Variants in FSTL4 observed in about 807,000 individuals in gnomAD.
FSTL4 encodes the protein follistatin like 4, also known as follistatin-related protein 4.
Under a neutral mutation model 78.2 loss-of-function variants are expected in FSTL4, and 28 were observed. The ratio of observed to expected loss-of-function variants is 0.36; its 90% CI spans 0.27 to 0.49. The LOEUF (loss-of-function observed/expected upper bound fraction) is 0.49. Among genes scored for constraint, FSTL4 ranks in the 20% least tolerant of loss-of-function variants. FSTL4 has a pLI of 0.98. For missense variants in FSTL4, 922 were observed against 1,084.9 expected (o/e 0.85, Z 2.11); for synonymous variants, 422 against 440.5 (o/e 0.96, Z 0.53).
At chr5:133,660,824 A>G in the FSTL4 span, among the ~76,000 whole-genome samples, 1 of 152,226 alleles carries the variant, frequency 6.6e-6, no homozygotes, top group Admixed American at 6.5e-5. Flanking sequence ...TTGAAGGAAA[A>G]AAAGCAATTA....
chr5:133,439,733 C>T (rs1433919147), intron 3 of FSTL4, among the ~76,000 whole-genome samples: 1 of 152,196 alleles, frequency 6.6e-6, no homozygotes, highest in Non-Finnish European at 1.5e-5. Flanking sequence ...CCAAAGATGG[C>T]TGTGCCTGAC....
At chr5:133,404,627 TAAG>T (rs1340196728) in intron 3 of FSTL4, among the ~76,000 whole-genome samples, 23 of 152,278 alleles carry the variant, frequency 1.5e-4, no homozygotes, top group Middle Eastern at 3.4e-3. Flanking sequence ...GGATTTTCAA[TAAG>T]AATGTCACAG....
At chr5:133,822,666 G>A in the FSTL4 span, among the ~76,000 whole-genome samples, 2 of 152,168 alleles carry the variant, frequency 1.3e-5, no homozygotes, top group Admixed American at 6.5e-5. Flanking sequence ...CACACGCACC[G>A]ATGCTCCTGG....
At chr5:133,435,528 AT>A (rs1250862638) in intron 3 of FSTL4, among the ~76,000 whole-genome samples, 11 of 152,222 alleles carry the variant, frequency 7.2e-5, no homozygotes, top group African/African-American at 2.7e-4. Flanking sequence ...TCCAACTGCA[AT>A]ATGAAGTCAT....
the FSTL4 span, among the ~76,000 whole-genome samples, chr5:133,782,842 A>T: frequency 6.6e-6 from 1 of 152,214 alleles, no homozygotes; most frequent in African/African-American, 2.4e-5. Flanking sequence ...ATCCCAGGCC[A>T]TCATGAGGAC....
chr5:133,616,470 C>G (rs1466558253), upstream of FSTL4, among the ~76,000 whole-genome samples: 1 of 152,070 alleles, frequency 6.6e-6, no homozygotes, highest in Non-Finnish European at 1.5e-5. Context: ...GGTGGGATCA[C>G]AGCTCACTGT....
the FSTL4 span, among the ~76,000 whole-genome samples, chr5:133,675,831 T>C: frequency 6.6e-6 from 1 of 152,176 alleles, no homozygotes. Context: ...TCTCAGGGGA[T>C]TGCAGAAGGG....
rs1258342845 is a variant in FSTL4 at position 133,197,212 on chromosome 5, T to G, written c.*1883A>C. The G allele has an allele frequency of 6.6e-6, 1 of 151,996 alleles. No individual in the cohort carries two copies. The highest frequency in any genetic ancestry group is 2.4e-5 in the African/African-American group (1 of 41,342). 9.4% of individuals were successfully genotyped at this position (151,996 alleles called of 1,614,324 possible). A position where few individuals can be genotyped will look rare whatever the true frequency, so the allele number is the denominator to read the frequency against. On this transcript the variant is annotated 3_prime_UTR_variant, in exon 16 of 16. Transcript: ENST00000265342. ...AATGGAAATTTTTCCAAAAAAAAGT[T>G]TATGAAAGTTGGAGAATTTTAGTGG...
the FSTL4 span, among the ~76,000 whole-genome samples, chr5:133,710,100 G>T: frequency 6.6e-6 from 1 of 152,304 alleles, no homozygotes; most frequent in African/African-American, 2.4e-5. Flanking sequence ...TGAGGCAGGG[G>T]TCAGCCCACT....
chr5:133,330,512 G>A (rs943331872), intron 4 of FSTL4, among the ~76,000 whole-genome samples: 1 of 152,164 alleles, frequency 6.6e-6, no homozygotes, highest in East Asian at 1.9e-4. Flanking sequence ...GCCGTGAGGG[G>A]ATGGTGCCAA....
chr5:133,451,398 T>TAA (rs535030899), intron 3 of FSTL4, among the ~76,000 whole-genome samples: 1 of 144,816 alleles, frequency 6.9e-6, no homozygotes, highest in Non-Finnish European at 1.5e-5. Flanking sequence ...CTGTCTCTAC[T>TAA]AAAAAAAAAA....
At chr5:133,830,042 C>A in the FSTL4 span, among the ~76,000 whole-genome samples, 1 of 152,178 alleles carries the variant, frequency 6.6e-6, no homozygotes, top group Non-Finnish European at 1.5e-5. Flanking sequence ...CCCACCTCTG[C>A]CCTCAGACAT....
At chr5:133,427,051 GC>G (rs1030746963) in intron 3 of FSTL4, among the ~76,000 whole-genome samples, 2 of 151,910 alleles carry the variant, frequency 1.3e-5, no homozygotes, top group Admixed American at 1.3e-4. Flanking sequence ...AGCTCACACT[GC>G]CCCCCAAGAC....
chr5:133,307,935 C>G (rs1311125744), intron 6 of FSTL4, among the ~76,000 whole-genome samples: 2 of 152,174 alleles, frequency 1.3e-5, no homozygotes, highest in African/African-American at 4.8e-5. Context: ...CGCCCACCAC[C>G]AAGCCCGGCT....
intron 3 of FSTL4, among the ~76,000 whole-genome samples, chr5:133,557,628 G>A (rs1561468332): frequency 1.3e-5 from 2 of 152,204 alleles, no homozygotes; most frequent in Admixed American, 6.5e-5. Flanking sequence ...CACTGGACTA[G>A]AGGCCATCTG....
chr5:133,807,528 C>T, the FSTL4 span, among the ~76,000 whole-genome samples: 30 of 152,210 alleles, frequency 2.0e-4, no homozygotes, highest in African/African-American at 7.2e-4. Context: ...TTCAGGAAGC[C>T]TGTCATGCTG....
chr5:133,700,757 G>C, the FSTL4 span, among the ~76,000 whole-genome samples: 6 of 152,300 alleles, frequency 3.9e-5, no homozygotes, highest in African/African-American at 7.2e-5. Flanking sequence ...ATCCACTCAG[G>C]GGGTAACACA....
chr5:133,781,373 G>C, the FSTL4 span, among the ~76,000 whole-genome samples: 2 of 16,568 alleles, frequency 1.2e-4, no homozygotes, highest in Non-Finnish European at 2.4e-4. Context: ...GGTTGTGTGT[G>C]TGTGTGTGTG....
the FSTL4 span, among the ~76,000 whole-genome samples, chr5:133,783,241 G>A: frequency 6.6e-6 from 1 of 152,078 alleles, no homozygotes; most frequent in Admixed American, 6.5e-5. Flanking sequence ...ATGAAATTAG[G>A]TGCTCTCTCA....
Sources: gnomAD v4.1 joint callset for allele counts (sites outside exome capture counted in the v4.1 genomes callset) on GRCh38, gnomAD v4.1.1 for gene constraint, MANE v1.5 for transcripts, NCBI Gene and HGNC (gene_info 2026-07-23, HGNC 2026-07-21) for gene names.